The following BTBD2 variants were observed in gnomAD, a reference collection of about 807,000 sequenced individuals.
BTBD2 encodes the protein BTB domain containing 2, also known as BTB/POZ domain-containing protein 2.
Under a neutral mutation model 44.0 loss-of-function variants are expected in BTBD2, and 15 were observed. The observed-to-expected ratio is 0.34, with a 90% CI of 0.23 to 0.53. The LOEUF is 0.53. Among genes scored for constraint, BTBD2 ranks in the 20% least tolerant of loss-of-function variants. The pLI, the probability that BTBD2 is intolerant of heterozygous loss-of-function variation, is 0.95. For synonymous variants in BTBD2, 443 were observed against 335.9 expected, an observed-to-expected ratio of 1.32 and a Z score of -3.49; for missense variants, 657 against 746.4, an observed-to-expected ratio of 0.88 and a Z score of 1.39.
intron 8 of BTBD2, 78 bp downstream of exon 8, chr19:1,986,750 GGA>G (rs1599344855): frequency 6.3e-7 from 1 of 1,575,020 alleles, no homozygotes; most frequent in Middle Eastern, 2.0e-4. Flanking sequence ...GGCTGCCTCT[GGA>G]GAGTGTGTGC....
chr19:1,993,146 G>T lies in BTBD2; in HGVS notation c.558C>A (p.Gly186=). The change falls in exon 3 of 9, where the codon GGC becomes GGA. Residue 186 remains glycine (G), a synonymous_variant. Transcript: ENST00000255608. The stretch of plus-strand genomic sequence containing the variant: ...ATAGCGTGGTCATCACCGTCTCCGG[G>T]CCAATCTGCACCTCGTCCGAGTAGA... ...KFLYSDEVQI[G]PETVMTTLYT... is the part of the protein sequence containing the mutation. 6.2e-7 allele frequency: 1 copy of T among 1,605,440 alleles called. No homozygotes were observed. The highest frequency in any genetic ancestry group is 8.5e-7 in the Non-Finnish European group (1 of 1,179,592).
At position 1,986,574 on chromosome 19, in the gene BTBD2, A is replaced by C. The variant is rs765204827; in HGVS notation, c.1492T>G (p.Cys498Gly). ...HESPTTGAKT[C>G]FTFCYAAGNN... is the part of the protein sequence containing the mutation. The stretch of plus-strand genomic sequence containing the variant: ...CCGGCCGCGTAGCAAAAGGTGAAGC[A>C]GGTCTTGGCGCCCGTGGTGGGCGAC... The change falls in exon 9 of 9, where the codon TGC becomes GGC. Residue 498 changes from cysteine to glycine, a missense_variant. By Grantham distance (159) the Cys-to-Gly change is radical (BLOSUM62 -3). Coordinates refer to ENST00000255608, the MANE Select transcript of BTBD2 (RefSeq NM_017797.4). 1 of 1,614,050 alleles carries C rather than the reference A, an allele frequency of 6.2e-7. No individual in the cohort carries two copies. The highest frequency in any genetic ancestry group is 8.5e-7 in the Non-Finnish European group (1 of 1,179,956).
intron 1 of BTBD2, among the ~76,000 whole-genome samples, 196 bp from the exon 2 acceptor site, chr19:1,997,659 G>T (rs1016387491): frequency 4.6e-5 from 7 of 152,228 alleles, no homozygotes; most frequent in Admixed American, 3.9e-4. Context: ...ACGGACCCAC[G>T]GCAAGGACAG....
chr19:1,999,420 A>G (rs542384881), intron 1 of BTBD2, among the ~76,000 whole-genome samples: 52 of 152,318 alleles, frequency 3.4e-4, no homozygotes, highest in African/African-American at 1.2e-3. Context: ...TCATCCCAGC[A>G]TGTGGGAGAC....
chr19:1,986,317 G>C lies in BTBD2; in HGVS notation c.*171C>G. 1.2e-6 allele frequency: 1 copy of C among 811,512 alleles called. No individual in the cohort carries two copies. The highest frequency in any genetic ancestry group is 1.9e-6 in the Non-Finnish European group (1 of 520,328). The allele number at this position is 811,512 out of a possible 1,614,324, so 50.3% of individuals were successfully genotyped here. A position where few individuals can be genotyped will look rare whatever the true frequency, so the allele number is the denominator to read the frequency against. ...GCCCTGATCCAGCAGCCACACTCGT[G>C]GTGAACACAGGGCAACCCCGTCCTG... On this transcript the variant is annotated 3_prime_UTR_variant, in exon 9 of 9. Coordinates refer to ENST00000255608, the MANE Select transcript of BTBD2 (RefSeq NM_017797.4).
At position 1,987,653 on chromosome 19, in the gene BTBD2, A is replaced by G. The variant is rs2016110776; in HGVS notation, c.1028T>C (p.Val343Ala). Residue 343 changes from valine to alanine, a missense_variant, in exon 6 of 9, where the codon GTC becomes GCC. This residue lies in a region of BTBD2 where 449 missense variants were observed against 510.9 expected (regional missense o/e 0.88). Coordinates refer to ENST00000255608, the MANE Select transcript of BTBD2 (RefSeq NM_017797.4). The part of the protein sequence containing the change: ...QSGILVDREV[V>A]SLFLHFTVNP... ...GACGGTGAAGTGCAGGAAGAGGCTG[A>G]CCACCTCGCGGTCCACCAGGATGCC... 1 of 1,610,744 alleles carries G rather than the reference A, an allele frequency of 6.2e-7. No homozygotes were observed. The highest frequency in any genetic ancestry group is 8.5e-7 in the Non-Finnish European group (1 of 1,178,802).
chr19:2,007,657 C>T (rs1353633533), intron 1 of BTBD2, among the ~76,000 whole-genome samples: 3 of 151,988 alleles, frequency 2.0e-5, no homozygotes, highest in African/African-American at 4.8e-5. Context: ...GGCGAAACCC[C>T]GTCTCTAAAA....
Position 1,986,337 on chromosome 19 carries a change from G to A in BTBD2, c.*151C>T, listed in dbSNP as rs547192007. ...CTCGTGGTGAACACAGGGCAACCCC[G>A]TCCTGATGCTGAGAAAGGTGGCATG... On this transcript the variant is annotated 3_prime_UTR_variant, in exon 9 of 9. Transcript: ENST00000255608. 13 of 1,014,508 alleles carry A rather than the reference G, an allele frequency of 1.3e-5. No homozygotes were observed. Among genetic ancestry groups the A allele is most frequent in the East Asian group, 7.5e-5 (3 of 40,066 alleles). 62.8% of individuals were successfully genotyped at this position (1,014,508 alleles called of 1,614,324 possible). A position where few individuals can be genotyped will look rare whatever the true frequency, so the allele number is the denominator to read the frequency against.
chr19:1,986,247 T>TTGTC lies in BTBD2; in HGVS notation c.*237_*240dup. 1 of 549,702 alleles carries TTGTC rather than the reference T, an allele frequency of 1.8e-6. No individual in the cohort carries two copies. The highest frequency in any genetic ancestry group is 3.3e-6 in the Non-Finnish European group (1 of 306,790). The allele number at this position is 549,702 out of a possible 1,614,324, so 34.1% of individuals were successfully genotyped here. On this transcript the variant is annotated 3_prime_UTR_variant, in exon 9 of 9. Coordinates refer to ENST00000255608, the MANE Select transcript of BTBD2 (RefSeq NM_017797.4). ...CAGCCCTGTCCCTAGTCCTGAGGGA[T>TTGTC]TGTCTCCACAGGGCCTGGCCACTGG... is the stretch of plus-strand genomic sequence containing the variant.
chr19:1,996,689 G>T (rs1183340499), intron 2 of BTBD2, among the ~76,000 whole-genome samples: 4 of 151,256 alleles, frequency 2.6e-5, no homozygotes, highest in Admixed American at 2.6e-4. Context: ...TCTGAGACCA[G>T]CCTGGCCAAC....
chr19:1,998,570 A>G (rs1427778468), intron 1 of BTBD2, among the ~76,000 whole-genome samples: 1 of 152,218 alleles, frequency 6.6e-6, no homozygotes, highest in Non-Finnish European at 1.5e-5. Context: ...CGCCACAGGC[A>G]GGAGGGTGCG....
chr19:1,986,903 G>A lies in BTBD2; in HGVS notation c.1343C>T (p.Thr448Ile). The A allele has an allele frequency of 6.2e-7, 1 of 1,613,278 alleles. No individual in the cohort carries two copies. The highest frequency in any genetic ancestry group is 8.5e-7 in the Non-Finnish European group (1 of 1,179,844). Residue 448 changes from threonine to isoleucine, a missense_variant, in exon 8 of 9, where the codon ACC becomes ATC. By Grantham distance (89) the Thr-to-Ile change is moderately conservative. Coordinates refer to ENST00000255608, the MANE Select transcript of BTBD2 (RefSeq NM_017797.4). ...TGFSCDGSASTFRVMFKEPVE... is the reference protein window; with the variant it reads ...TGFSCDGSASIFRVMFKEPVE... The stretch of plus-strand genomic sequence containing the variant: ...CGGCTCCTTGAACATGACGCGGAAG[G>A]TGCTGGCTGAGCCGTCGCAGCTGAA...
chr19:1,997,574 C>G, intron 1 of BTBD2, 111 bp from the exon 2 acceptor site: 1 of 1,485,218 alleles, frequency 6.7e-7, no homozygotes, highest in Non-Finnish European at 9.1e-7. Context: ...CTGCCAGCCT[C>G]CAGCAGGCAT....
rs1275198508 is a variant in BTBD2, at chr19:2,015,285, CG to C, written c.407+11del. The C allele has an allele frequency of 1.3e-6, 2 of 1,539,682 alleles. No homozygotes were observed. The highest frequency in any genetic ancestry group is 1.7e-6 in the Non-Finnish European group (2 of 1,149,400). On this transcript the variant is annotated intron_variant, in intron 1 of 8. Coordinates refer to ENST00000255608, the MANE Select transcript of BTBD2 (RefSeq NM_017797.4). ...GGGTCGGGGCCAGGGCTGGCGGGGTCGGGGCGCCCACCTGTGCGCGGGGATG... is the reference window on the plus strand; with the variant it reads ...GGGTCGGGGCCAGGGCTGGCGGGGTCGGGCGCCCACCTGTGCGCGGGGATG...
chr19:1,992,065 CAA>C (rs2016187429), intron 3 of BTBD2: 1 of 149,558 alleles, frequency 6.7e-6, no homozygotes, highest in Admixed American at 6.7e-5. Context: ...GCCTGGGCAA[CAA>C]GAGAAACCCC....
chr19:1,994,552 A>G (rs549030689), intron 2 of BTBD2, among the ~76,000 whole-genome samples: 1 of 151,900 alleles, frequency 6.6e-6, no homozygotes, highest in African/African-American at 2.4e-5. Flanking sequence ...TGAGATCAGG[A>G]GATCGAGACC....
At chr19:2,005,040 T>G (rs2016378100) in intron 1 of BTBD2, among the ~76,000 whole-genome samples, 1 of 151,678 alleles carries the variant, frequency 6.6e-6, no homozygotes, top group Admixed American at 6.6e-5. Flanking sequence ...CAGGATGGTC[T>G]CAATCTCCTG....
intron 5 of BTBD2, chr19:1,988,626 G>A (rs980406359): frequency 2.0e-5 from 3 of 151,078 alleles, no homozygotes; most frequent in African/African-American, 4.9e-5. Flanking sequence ...AGTGCAGGAC[G>A]GAGTTTCGCT....
intron 1 of BTBD2, among the ~76,000 whole-genome samples, chr19:2,004,422 C>T (rs1477753921): frequency 1.3e-5 from 2 of 151,770 alleles, no homozygotes; most frequent in East Asian, 2.0e-4. Flanking sequence ...TTCAGCCTCC[C>T]GAGTAGCTGG....
Sources: gnomAD v4.1 joint callset for allele counts (sites outside exome capture counted in the v4.1 genomes callset) on GRCh38, gnomAD v4.1.1 for gene constraint, gnomAD v4.1.1 regional missense constraint, MANE v1.5 for transcripts, NCBI Gene and HGNC (gene_info 2026-07-23, HGNC 2026-07-21) for gene names.